The following ABCB11 variants were observed in gnomAD, a reference collection of about 807,000 sequenced individuals.
ABCB11 encodes bile salt export pump.
Under a neutral mutation model 148.0 loss-of-function variants are expected in ABCB11, and 95 were observed. The observed-to-expected ratio is 0.64, with a 90% CI of 0.54 to 0.76. ABCB11 has a LOEUF of 0.76. Among genes scored for constraint, ABCB11 ranks in the 30% least tolerant of loss-of-function variants. The probability of loss-of-function intolerance (pLI) is 0.00; values close to 1 mark genes in which losing one functional copy is unlikely to be tolerated. For synonymous variants in ABCB11, 591 were observed against 555.4 expected, an observed-to-expected ratio of 1.06 and a Z score of -0.90; for missense variants, 1,523 against 1,617.8, an observed-to-expected ratio of 0.94 and a Z score of 1.01.
intron 19 of ABCB11, among the ~76,000 whole-genome samples, chr2:168,950,142 C>T (rs865528): frequency 0.1 from 4,490 of 44,078 alleles, 213 homozygotes; most frequent in African/African-American, 0.19. Flanking sequence ...TATATATATA[C>T]ACACACACAC....
At chr2:168,992,116 C>T (rs1694547777) in intron 8 of ABCB11, among the ~76,000 whole-genome samples, 1 of 150,266 alleles carries the variant, frequency 6.7e-6, no homozygotes, top group Non-Finnish European at 1.5e-5. Context: ...AGTGAAGTTG[C>T]TTGTATAGTT....
chr2:168,927,234 G>A lies in ABCB11; in HGVS notation c.3540C>T (p.Thr1180=). 1 of 1,613,808 alleles carries A rather than the reference G, an allele frequency of 6.2e-7. No individual in the cohort carries two copies. The highest frequency in any genetic ancestry group is 8.5e-7 in the Non-Finnish European group (1 of 1,179,802). Residue 1180 remains threonine (T), a synonymous_variant, in exon 26 of 28, where the codon ACC becomes ACT. Coordinates refer to ENST00000650372, the MANE Select transcript of ABCB11 (RefSeq NM_003742.4). ...IMDNIKYGDN[T]KEIPMERVIA... ...TGACTCTTTCCATGGGAATTTCTTT[G>A]GTGTTGTCTCCATACTTGATATTGT...
chr2:168,957,895 G>A, intron 19 of ABCB11, 69 bp downstream of exon 19: 1 of 1,315,254 alleles, frequency 7.6e-7, no homozygotes, highest in Admixed American at 2.8e-5. Context: ...TGAAAACAAA[G>A]AGCGGACTTA....
At chr2:168,960,873 T>C (rs1053612114) in intron 18 of ABCB11, among the ~76,000 whole-genome samples, 2 of 151,778 alleles carry the variant, frequency 1.3e-5, no homozygotes, top group Admixed American at 6.6e-5. Flanking sequence ...GAGAAGATTA[T>C]AAATTAACAA....
intron 9 of ABCB11, 34 bp downstream of exon 9, chr2:168,990,767 A>AT: frequency 6.2e-7 from 1 of 1,610,814 alleles, no homozygotes; most frequent in Non-Finnish European, 8.5e-7. Flanking sequence ...TGATTGATGA[A>AT]ATTAAGGAAA....
chr2:169,014,468 C>A, intron 3 of ABCB11, 114 bp from the exon 4 acceptor site: 1 of 950,110 alleles, frequency 1.1e-6, no homozygotes, highest in Non-Finnish European at 1.6e-6. Flanking sequence ...TCCCCACTGG[C>A]TGGAAAATTC....
Position 168,993,762 on chromosome 2 carries a change from A to G in ABCB11, c.732T>C (p.Val244=), listed in dbSNP as rs1694623320. Residue 244 remains valine, a synonymous_variant, in exon 8 of 28, where the codon GTT becomes GTC. Transcript: ENST00000650372. The stretch of plus-strand genomic sequence containing the variant: ...CAATGAGAGGGCTGACAGAAATAAT[A>G]ACCAAGGTCAGTTTCCAACCCCTGA... ...GFFRGWKLTL[V]IISVSPLIGI... 1 of 1,610,470 alleles carries G rather than the reference A, an allele frequency of 6.2e-7. No individual in the cohort carries two copies. Among genetic ancestry groups the G allele is most frequent in the Non-Finnish European group, 8.5e-7 (1 of 1,178,238 alleles).
intron 5 of ABCB11, among the ~76,000 whole-genome samples, chr2:168,999,387 C>G (rs1694809147): frequency 6.6e-6 from 1 of 151,630 alleles, no homozygotes; most frequent in Non-Finnish European, 1.5e-5. Flanking sequence ...AGTACAATAT[C>G]ACACCCAGGA....
chr2:168,927,480 C>T, intron 25 of ABCB11, 118 bp from the exon 26 acceptor site: 1 of 782,972 alleles, frequency 1.3e-6, no homozygotes, highest in Non-Finnish European at 2.1e-6. Context: ...GACTAACAAT[C>T]CCAAGGCTAA....
chr2:168,961,935 T>C (rs181644789), intron 18 of ABCB11, among the ~76,000 whole-genome samples: 3 of 151,800 alleles, frequency 2.0e-5, no homozygotes, highest in Non-Finnish European at 4.4e-5. Flanking sequence ...AAAGAAAGGA[T>C]TTCACCAATG....
Position 168,984,113 on chromosome 2 carries a change from C to T in ABCB11, c.1083+1997G>A, listed in dbSNP as rs367979877. Among the ~76,000 whole-genome samples the T allele has an allele frequency of 2.0e-5, 3 of 152,072 alleles. No homozygotes were observed. In the South Asian group the frequency reaches 6.2e-4, roughly 32 times the overall value. ...GAGAATTCAAACAATGATCAGAGTC[C>T]AGTTGCAACAAGAGAGAGCCATAAG... On this transcript the variant is annotated intron_variant, in intron 10 of 27. Transcript: ENST00000650372.
chr2:168,967,772 T>G (rs756643204), intron 17 of ABCB11, among the ~76,000 whole-genome samples: 1 of 151,896 alleles, frequency 6.6e-6, no homozygotes, highest in Non-Finnish European at 1.5e-5. Flanking sequence ...ACTTGTAACA[T>G]CAGAGGAGCA....
chr2:168,970,369 G>A, intron 14 of ABCB11, 154 bp from the exon 15 acceptor site: 1 of 1,525,314 alleles, frequency 6.6e-7, no homozygotes, highest in East Asian at 2.5e-5. Flanking sequence ...TCCCCAGACG[G>A]GTTATTGTCT....
Position 169,013,286 on chromosome 2 carries a change from A to G in ABCB11, c.375T>C (p.Asn125=). 1 of 1,609,908 alleles carries G rather than the reference A, an allele frequency of 6.2e-7. No individual in the cohort carries two copies. The highest frequency in any genetic ancestry group is 8.5e-7 in the Non-Finnish European group (1 of 1,177,254). ...TNSSLNQNMT[N]GTRCGLLNIE... is the part of the protein sequence containing the mutation. ...AAACAACCTACCCACAACGTGTTCC[A>G]TTTGTCATGTTCTGGTTGAGGGAAC... The change falls in exon 5 of 28, where the codon AAT becomes AAC. Residue 125 remains asparagine, a synonymous_variant. Transcript: ENST00000650372.
At chr2:168,930,445 G>T (rs1691514629) in intron 25 of ABCB11, among the ~76,000 whole-genome samples, 1 of 152,168 alleles carries the variant, frequency 6.6e-6, no homozygotes, top group African/African-American at 2.4e-5. Context: ...TGCCTAACTG[G>T]TCAGCAGGCC....
chr2:168,931,875 A>G (rs993847488), intron 24 of ABCB11, among the ~76,000 whole-genome samples: 1 of 152,182 alleles, frequency 6.6e-6, no homozygotes, highest in Non-Finnish European at 1.5e-5. Flanking sequence ...TGTCTTCTCC[A>G]AGTATGTATG....
chr2:169,017,033 C>T lies in ABCB11; in HGVS notation c.77-234G>A, dbSNP rs113912451. 1.3e-3 allele frequency among the ~76,000 whole-genome samples: 198 copies of T among 148,280 alleles called. 3 individuals carry two copies. The highest frequency in any genetic ancestry group is 4.6e-3 in the African/African-American group (183 of 39,762). ...ACACACACACACACACGAAGACACT[C>T]GTTTAGGGTCCAGGAGTGCTGCTAC... On this transcript the variant is annotated intron_variant, in intron 2 of 27. Transcript: ENST00000650372.
At chr2:168,934,717 C>A (rs1691738143) in intron 23 of ABCB11, among the ~76,000 whole-genome samples, 1 of 152,218 alleles carries the variant, frequency 6.6e-6, no homozygotes, top group Non-Finnish European at 1.5e-5. Context: ...CATATTAATT[C>A]ACACTTTCAT....
chr2:169,024,749 A>G (rs1416638234), intron 1 of ABCB11, among the ~76,000 whole-genome samples: 3 of 152,144 alleles, frequency 2.0e-5, no homozygotes, highest in African/African-American at 7.2e-5. Flanking sequence ...CTTGGCTATG[A>G]CAATTTCTCA....
Sources: gnomAD v4.1 joint callset for allele counts (sites outside exome capture counted in the v4.1 genomes callset) on GRCh38, gnomAD v4.1.1 for gene constraint, MANE v1.5 for transcripts, NCBI Gene and HGNC (gene_info 2026-07-23, HGNC 2026-07-21) for gene names.